LIMA1: variants seen among roughly 807,000 people sequenced by gnomAD.
LIMA1 encodes the protein LIM domain and actin-binding protein 1.
Under a neutral mutation model 62.6 loss-of-function variants are expected in LIMA1, and 52 were observed. That is an observed-to-expected ratio of 0.83 (90% CI 0.67 to 1.05). The LOEUF (loss-of-function observed/expected upper bound fraction) is 1.05, where lower values mean the gene tolerates loss of function less well. Among genes scored for constraint, LIMA1 ranks in the 50% least tolerant of loss-of-function variants. LIMA1 has a pLI of 0.00. For synonymous variants in LIMA1, 302 were observed against 317.8 expected (o/e 0.95, Z 0.53); for missense variants, 780 against 902.2 (o/e 0.86, Z 1.74).
intron 2 of LIMA1, among the ~76,000 whole-genome samples, chr12:50,235,273 CTTTTTTTTTTTT>C (rs1036341264): frequency 2.4e-5 from 3 of 124,370 alleles, no homozygotes; most frequent in African/African-American, 9.4e-5. Flanking sequence ...AATCCTATCA[CTTTTTTTTTTTT>C]TTTTTTTTTT....
chr12:50,252,474 G>C (rs1402670007), intron 1 of LIMA1, among the ~76,000 whole-genome samples: 1 of 151,548 alleles, frequency 6.6e-6, no homozygotes, highest in Non-Finnish European at 1.5e-5. Context: ...CCAGCTGCTC[G>C]GAAGGCTGAG....
chr12:50,214,460 A>T lies in LIMA1; in HGVS notation c.630+7561T>A, dbSNP rs759711605. Among the ~76,000 whole-genome samples the T allele has an allele frequency of 1.1e-3, 171 of 152,248 alleles. 2 individuals are homozygous for T. Among genetic ancestry groups the T allele is most frequent in the South Asian group, 1.4e-3 (7 of 4,834 alleles). On this transcript the variant is annotated intron_variant, in intron 4 of 10. Transcript: ENST00000341247. ...ACTGTATAGACTCCACATTGATGTT[A>T]ATAGTTATTCAAATACCTTTCCTCC...
intron 7 of LIMA1, 94 bp downstream of exon 7, chr12:50,200,683 T>C: frequency 7.9e-6 from 11 of 1,385,850 alleles, no homozygotes; most frequent in Non-Finnish European, 1.1e-5. Context: ...TCCCAGACAC[T>C]CTACAGCCTA....
chr12:50,231,790 G>T, intron 2 of LIMA1, 80 bp from the exon 3 acceptor site: 1 of 1,345,684 alleles, frequency 7.4e-7, no homozygotes, highest in Non-Finnish European at 1.1e-6. Flanking sequence ...TTTTTGAGAT[G>T]AAGTCTCACG....
chr12:50,192,135 CAA>C (rs1006030674), intron 9 of LIMA1, among the ~76,000 whole-genome samples: 11 of 88,078 alleles, frequency 1.2e-4, no homozygotes, highest in Admixed American at 2.4e-4. Context: ...GATTCTGTCT[CAA>C]AAAAAAAAAA....
At chr12:50,204,423 T>A (rs1316974881) in intron 6 of LIMA1, 129 bp downstream of exon 6, 1 of 1,084,918 alleles carries the variant, frequency 9.2e-7, no homozygotes, top group Non-Finnish European at 1.3e-6. Context: ...AGGGTTCATG[T>A]GAAAAGAGAA....
At chr12:50,190,455 C>T (rs1940733300) in intron 9 of LIMA1, among the ~76,000 whole-genome samples, 1 of 150,872 alleles carries the variant, frequency 6.6e-6, no homozygotes, top group Non-Finnish European at 1.5e-5. Flanking sequence ...ACAACCTCTG[C>T]CTCCCAGGTT....
intron 9 of LIMA1, among the ~76,000 whole-genome samples, chr12:50,182,861 TG>T (rs1410433068): frequency 6.6e-6 from 1 of 152,268 alleles, no homozygotes; most frequent in East Asian, 1.9e-4. Context: ...ATTCTAGCAC[TG>T]ATAAAAGCCA....
chr12:50,226,610 G>A (rs1230316350), intron 3 of LIMA1, among the ~76,000 whole-genome samples: 1 of 152,142 alleles, frequency 6.6e-6, no homozygotes, highest in Non-Finnish European at 1.5e-5. Flanking sequence ...GGAGGCCGAG[G>A]CGGGCGGATC....
intron 7 of LIMA1, among the ~76,000 whole-genome samples, chr12:50,197,182 T>C (rs953029197): frequency 4.6e-5 from 7 of 151,286 alleles, no homozygotes; most frequent in African/African-American, 1.7e-4. Context: ...GTGATTCTCC[T>C]GCCTCAGCCT....
chr12:50,243,500 C>A (rs977172203), intron 2 of LIMA1, among the ~76,000 whole-genome samples: 1 of 152,184 alleles, frequency 6.6e-6, no homozygotes, highest in African/African-American at 2.4e-5. Flanking sequence ...GAAAATAGTC[C>A]TGCAGTCTTC....
intron 1 of LIMA1, among the ~76,000 whole-genome samples, chr12:50,274,042 C>T (rs1246588212): frequency 2.0e-5 from 3 of 152,132 alleles, no homozygotes; most frequent in African/African-American, 7.2e-5. Context: ...TCCTGGTTGT[C>T]ACAGTATCCA....
intron 1 of LIMA1, chr12:50,249,951 CAGAG>C (rs1000632988): frequency 1.3e-5 from 2 of 152,100 alleles, no homozygotes; most frequent in Non-Finnish European, 2.9e-5. Flanking sequence ...CTGTAGAACA[CAGAG>C]AGTATTTAAA....
intron 1 of LIMA1, among the ~76,000 whole-genome samples, chr12:50,272,948 G>T (rs1327862554): frequency 6.6e-6 from 1 of 151,636 alleles, no homozygotes; most frequent in Non-Finnish European, 1.5e-5. Flanking sequence ...TACTCGGGAG[G>T]CTAAGGCAGG....
At position 50,240,701 on chromosome 12, in the gene LIMA1, G is replaced by T. The variant is rs999997036; in HGVS notation, c.119+7932C>A. On this transcript the variant is annotated intron_variant, in intron 2 of 10. Coordinates refer to ENST00000341247, the MANE Select transcript of LIMA1 (RefSeq NM_016357.5). ...TAACTAAAACATCCATTTGGTGGTAGCAGTGATGAGATGCATGTGTCCGGA... is the reference window on the plus strand; with the variant it reads ...TAACTAAAACATCCATTTGGTGGTATCAGTGATGAGATGCATGTGTCCGGA... Among the ~76,000 whole-genome samples, 54 of 152,262 alleles carry T rather than the reference G, an allele frequency of 3.5e-4. 1 individual carries two copies. Among genetic ancestry groups the T allele is most frequent in the Non-Finnish European group, 7.4e-4 (50 of 68,022 alleles).
intron 2 of LIMA1, among the ~76,000 whole-genome samples, chr12:50,235,727 G>A (rs1250264138): frequency 6.6e-6 from 1 of 152,072 alleles, no homozygotes. Context: ...AAGAAAGTGG[G>A]ATTAGAACTG....
chr12:50,181,959 G>C lies in LIMA1; in HGVS notation c.1219C>G (p.Gln407Glu). 1 of 1,613,850 alleles carries C rather than the reference G, an allele frequency of 6.2e-7. No homozygotes were observed. Among genetic ancestry groups the C allele is most frequent in the African/African-American group, 1.3e-5 (1 of 75,036 alleles). Residue 407 changes from glutamine (Q) to glutamate (E), a missense_variant, in exon 10 of 11, where the codon CAG (glutamine) becomes GAG (glutamate). By Grantham distance (29) the Gln-to-Glu change is conservative (BLOSUM62 2). Transcript: ENST00000341247. ...AAGCAGCTGATGTGAAACACCTGCT[G>C]GTTGGCCAAGAGACGCTCCATTGGA... ...VYPMERLLAN[Q>E]QVFHISCFRC...
chr12:50,253,303 T>C (rs1240129211), intron 1 of LIMA1, among the ~76,000 whole-genome samples: 2 of 152,236 alleles, frequency 1.3e-5, no homozygotes, highest in African/African-American at 4.8e-5. Context: ...ACTTTATGCT[T>C]TGCATATATC....
At chr12:50,251,624 CAAAAA>C (rs397850152) in intron 1 of LIMA1, among the ~76,000 whole-genome samples, 1 of 81,572 alleles carries the variant, frequency 1.2e-5, no homozygotes, top group African/African-American at 4.3e-5. Context: ...GACTCCACCT[CAAAAA>C]AAAAAAAAAA....
Sources: allele counts gnomAD v4.1 joint callset (sites outside exome capture counted in the v4.1 genomes callset), GRCh38; gene constraint gnomAD v4.1.1; transcripts MANE v1.5; gene names NCBI Gene and HGNC (gene_info 2026-07-23, HGNC 2026-07-21).